YIPF7: variants seen among roughly 807,000 people sequenced by gnomAD.
The protein encoded by YIPF7 is Yip1 domain family member 7.
In YIPF7, 35 loss-of-function variants were observed where a neutral mutation model predicts 27.2. The ratio of observed to expected loss-of-function variants is 1.29; its 90% CI spans 0.98 to 1.70. The LOEUF is 1.70. Ranked by LOEUF, YIPF7 falls within the 40% of genes most tolerant of loss-of-function variation. The probability of loss-of-function intolerance (pLI) is 0.00; values close to 1 mark genes in which losing one functional copy is unlikely to be tolerated. For synonymous variants in YIPF7, 137 were observed against 110.4 expected, an observed-to-expected ratio of 1.24 and a Z score of -1.51; for missense variants, 358 against 303.7, an observed-to-expected ratio of 1.18 and a Z score of -1.33.
At chr4:44,627,925 A>G (rs1354945457) in intron 4 of YIPF7, among the ~76,000 whole-genome samples, 1 of 152,214 alleles carries the variant, frequency 6.6e-6, no homozygotes, top group Non-Finnish European at 1.5e-5. Flanking sequence ...AATAACTCCA[A>G]CTAACATTAT....
intron 3 of YIPF7, among the ~76,000 whole-genome samples, chr4:44,633,090 C>G (rs939248716): frequency 6.6e-6 from 1 of 152,158 alleles, no homozygotes; most frequent in Non-Finnish European, 1.5e-5. Flanking sequence ...ATCTAGGCTG[C>G]ACGCTTGTTA....
At chr4:44,626,966 T>G (rs1248963130) in intron 4 of YIPF7, among the ~76,000 whole-genome samples, 5 of 145,732 alleles carry the variant, frequency 3.4e-5, no homozygotes, top group African/African-American at 1.3e-4. Context: ...TTTTTTTTAG[T>G]ACAGACGGGG....
upstream of YIPF7, among the ~76,000 whole-genome samples, chr4:44,653,107 C>T (rs925173926): frequency 6.6e-6 from 1 of 151,972 alleles, no homozygotes; most frequent in South Asian, 2.1e-4. Flanking sequence ...ACGTGAAGAA[C>T]ATTTCAAGCA....
intron 3 of YIPF7, 39 bp from the exon 4 acceptor site, chr4:44,629,587 A>C: frequency 2.1e-6 from 3 of 1,395,370 alleles, no homozygotes; most frequent in South Asian, 1.5e-5. Flanking sequence ...TGATAACATA[A>C]ATATAGAAAA....
intron 4 of YIPF7, among the ~76,000 whole-genome samples, chr4:44,628,835 T>A (rs534100951): frequency 3.9e-5 from 6 of 152,256 alleles, no homozygotes; most frequent in African/African-American, 1.2e-4. Flanking sequence ...AGGGAACAAA[T>A]GTCTTCATAA....
intron 2 of YIPF7, among the ~76,000 whole-genome samples, chr4:44,636,740 T>C (rs1713136088): frequency 2.0e-5 from 3 of 152,208 alleles, no homozygotes; most frequent in African/African-American, 7.2e-5. Flanking sequence ...TATTATCTAG[T>C]TGGCTTTAGT....
chr4:44,652,093 T>TA (rs1713755870), upstream of YIPF7, among the ~76,000 whole-genome samples: 1 of 152,346 alleles, frequency 6.6e-6, no homozygotes, highest in African/African-American at 2.4e-5. Context: ...TGCCTCTGAC[T>TA]TTTTTCCTGC....
At chr4:44,658,112 C>T (rs1713949890) in intron 2 of YIPF7, among the ~76,000 whole-genome samples, 1 of 152,190 alleles carries the variant, frequency 6.6e-6, no homozygotes, top group East Asian at 1.9e-4. Context: ...TTTATGCCCT[C>T]CCCCTGTCCC....
upstream of YIPF7, among the ~76,000 whole-genome samples, chr4:44,656,453 T>A (rs147091182): frequency 1.2e-4 from 19 of 152,194 alleles, no homozygotes; most frequent in East Asian, 2.7e-3. Context: ...TCACAACATA[T>A]CAAGATTATT....
At chr4:44,636,972 T>C (rs1713147720) in intron 2 of YIPF7, among the ~76,000 whole-genome samples, 1 of 152,206 alleles carries the variant, frequency 6.6e-6, no homozygotes, top group African/African-American at 2.4e-5. Context: ...TACGTATTTT[T>C]AGCACGTTTA....
chr4:44,627,071 C>T (rs1712682985), intron 4 of YIPF7, among the ~76,000 whole-genome samples: 1 of 151,974 alleles, frequency 6.6e-6, no homozygotes, highest in Non-Finnish European at 1.5e-5. Flanking sequence ...CATGAGCCAC[C>T]GCACCAGGCC....
In YIPF7 at chr4:44,622,231, G is replaced by T; in HGVS notation, c.*183C>A. On this transcript the variant is annotated 3_prime_UTR_variant, in exon 6 of 6. Transcript: ENST00000415895. The stretch of plus-strand genomic sequence containing the variant: ...ATGTTTTAATGCACCAAACTCAAAA[G>T]CAAAACATCATTCAAACCAACAGGC... The T allele has an allele frequency of 1.4e-6, 1 of 724,614 alleles. No individual in the cohort carries two copies. The highest frequency in any genetic ancestry group is 2.2e-6 in the Non-Finnish European group (1 of 451,066). 44.9% of individuals were successfully genotyped at this position (724,614 alleles called of 1,614,324 possible). A position where few individuals can be genotyped will look rare whatever the true frequency, so the allele number is the denominator to read the frequency against.
intron 3 of YIPF7, among the ~76,000 whole-genome samples, 191 bp from the exon 4 acceptor site, chr4:44,629,739 C>T (rs926835676): frequency 1.1e-4 from 17 of 151,882 alleles, no homozygotes; most frequent in Non-Finnish European, 2.5e-4. Context: ...ATATAATAAT[C>T]TTAAAAAACA....
In YIPF7 at chr4:44,622,362, C is replaced by G; in HGVS notation, c.*52G>C. The G allele has an allele frequency of 2.6e-6, 4 of 1,546,280 alleles. No homozygotes were observed. The highest frequency in any genetic ancestry group is 2.6e-6 in the Non-Finnish European group (3 of 1,147,958). ...CCAAATTTGAATGTTAATATATTTC[C>G]AAAATAATCTGGACAGCAAACAGAG... On this transcript the variant is annotated 3_prime_UTR_variant, in exon 6 of 6. Transcript: ENST00000415895.
chr4:44,635,406 C>G (rs772544013), intron 3 of YIPF7, among the ~76,000 whole-genome samples: 2 of 152,112 alleles, frequency 1.3e-5, no homozygotes, highest in African/African-American at 2.4e-5. Context: ...TTCTTCCTCA[C>G]CTACCCATGC....
Position 44,622,255 on chromosome 4 carries a change from G to C in YIPF7, c.*159C>G, listed in dbSNP as rs1440250087. 4 of 846,390 alleles carry C rather than the reference G, an allele frequency of 4.7e-6. No homozygotes were observed. Among genetic ancestry groups the C allele is most frequent in the South Asian group, 3.8e-5 (2 of 51,992 alleles). 52.4% of individuals were successfully genotyped at this position (846,390 alleles called of 1,614,324 possible). On this transcript the variant is annotated 3_prime_UTR_variant, in exon 6 of 6. Transcript: ENST00000415895. ...AGCAAAACATCATTCAAACCAACAGGCTATTAGAGCACCACCCTTAAGTGC... is the reference window on the plus strand; with the variant it reads ...AGCAAAACATCATTCAAACCAACAGCCTATTAGAGCACCACCCTTAAGTGC...
At chr4:44,630,282 T>G (rs973404989) in intron 3 of YIPF7, among the ~76,000 whole-genome samples, 1 of 152,172 alleles carries the variant, frequency 6.6e-6, no homozygotes. Flanking sequence ...TCCTGTATTT[T>G]CAATTGCTGA....
At chr4:44,632,322 C>T (rs1022776705) in intron 3 of YIPF7, among the ~76,000 whole-genome samples, 9 of 152,146 alleles carry the variant, frequency 5.9e-5, no homozygotes, top group African/African-American at 2.2e-4. Context: ...GTATATGATA[C>T]ATATGCTATA....
chr4:44,658,937 T>C (rs1713973648), intron 2 of YIPF7, among the ~76,000 whole-genome samples: 1 of 152,160 alleles, frequency 6.6e-6, no homozygotes, highest in Admixed American at 6.5e-5. Flanking sequence ...GGAGCTACAA[T>C]TCAAGAAGAG....
Sources: gnomAD v4.1 joint callset for allele counts (sites outside exome capture counted in the v4.1 genomes callset) on GRCh38, gnomAD v4.1.1 for gene constraint, MANE v1.5 for transcripts, NCBI Gene and HGNC (gene_info 2026-07-23, HGNC 2026-07-21) for gene names.